Variants in ADIPOR2 observed in about 807,000 individuals in gnomAD.
ADIPOR2 encodes adiponectin receptor 2.
ADIPOR2 carries 18 observed loss-of-function variants against 40.9 expected under a neutral mutation model. The ratio of observed to expected loss-of-function variants is 0.44; its 90% confidence interval spans 0.30 to 0.65. ADIPOR2 has a LOEUF of 0.65. ADIPOR2 is among the 30% of genes least tolerant of loss of function. The pLI is 0.09. For synonymous variants in ADIPOR2, 165 were observed against 166.4 expected (o/e 0.99, Z 0.06); for missense variants, 283 against 479.2 (o/e 0.59, Z 3.82).
At position 1,705,834 on chromosome 12, in the gene ADIPOR2, A is replaced by G. The variant is rs150231608; in HGVS notation, c.-87+14643A>G. On this transcript the variant is annotated intron_variant, in intron 1 of 7. Coordinates refer to ENST00000357103, the MANE Select transcript of ADIPOR2 (RefSeq NM_024551.3). ...TTGTTTGTGGCTTTATTGAAGTCCT[A>G]TAAGATGGTGATAAAAGCATGGACT... is the stretch of plus-strand genomic sequence containing the variant. Among the ~76,000 whole-genome samples, 125 of 152,316 alleles carry G rather than the reference A, an allele frequency of 8.2e-4. 1 individual carries two copies. The highest frequency in any genetic ancestry group is 2.8e-3 in the African/African-American group (116 of 41,566).
At chr12:1,775,184 A>G (rs1351692993) in intron 3 of ADIPOR2, among the ~76,000 whole-genome samples, 1 of 152,232 alleles carries the variant, frequency 6.6e-6, no homozygotes, top group Non-Finnish European at 1.5e-5. Flanking sequence ...ATATATCCAC[A>G]TACCCAGTGG....
intron 1 of ADIPOR2, among the ~76,000 whole-genome samples, chr12:1,733,929 G>A (rs926300038): frequency 5.3e-5 from 8 of 152,102 alleles, no homozygotes; most frequent in African/African-American, 1.4e-4. Flanking sequence ...CCCTACAAAG[G>A]ACATGAACAC....
intron 1 of ADIPOR2, among the ~76,000 whole-genome samples, chr12:1,750,033 T>G (rs2094765568): frequency 6.6e-6 from 1 of 151,944 alleles, no homozygotes; most frequent in Non-Finnish European, 1.5e-5. Flanking sequence ...TGACATGGTC[T>G]TGTTGCCCAG....
chr12:1,703,916 G>A (rs944456611), intron 1 of ADIPOR2, among the ~76,000 whole-genome samples: 7 of 151,058 alleles, frequency 4.6e-5, no homozygotes, highest in Non-Finnish European at 1.0e-4. Context: ...ATCTCACTAT[G>A]TTGCCCAGGC....
chr12:1,781,812 G>C (rs1457093845), intron 6 of ADIPOR2, among the ~76,000 whole-genome samples: 1 of 152,122 alleles, frequency 6.6e-6, no homozygotes, highest in Non-Finnish European at 1.5e-5. Context: ...GATCATCCGG[G>C]GGTACCTGGA....
At chr12:1,769,364 C>T (rs2154444060) in intron 2 of ADIPOR2, among the ~76,000 whole-genome samples, 1 of 152,326 alleles carries the variant, frequency 6.6e-6, no homozygotes, top group East Asian at 1.9e-4. Context: ...CCACCACCCA[C>T]ACCACGTGGA....
intron 1 of ADIPOR2, among the ~76,000 whole-genome samples, chr12:1,737,708 G>A (rs2094733897): frequency 1.3e-5 from 2 of 151,916 alleles, no homozygotes; most frequent in African/African-American, 2.4e-5. Flanking sequence ...CCAGCCTCAC[G>A]CTTGGGTAAT....
chr12:1,700,634 C>T (rs184382419), intron 1 of ADIPOR2, among the ~76,000 whole-genome samples: 7 of 151,916 alleles, frequency 4.6e-5, no homozygotes, highest in East Asian at 1.9e-4. Context: ...TGCTTGGCAG[C>T]GAGGGTAAAA....
chr12:1,780,237 A>G (rs749912714), intron 4 of ADIPOR2: 22 of 456,508 alleles, frequency 4.8e-5, no homozygotes, highest in South Asian at 9.2e-5. Context: ...TATATTCTGT[A>G]TATTCAGTTT....
chr12:1,762,813 T>G (rs746506742), intron 2 of ADIPOR2, among the ~76,000 whole-genome samples: 67 of 152,236 alleles, frequency 4.4e-4, no homozygotes, highest in Non-Finnish European at 9.1e-4. Flanking sequence ...TATTGTACAC[T>G]GGGACTCTTG....
At chr12:1,782,279 A>G (rs1228037814) in intron 6 of ADIPOR2, among the ~76,000 whole-genome samples, 15 of 152,236 alleles carry the variant, frequency 9.9e-5, no homozygotes. Flanking sequence ...TATGCATCCC[A>G]TAGCTGTGCT....
Position 1,785,926 on chromosome 12 carries a change from T to G in ADIPOR2, c.1033-18T>G. ...GTATGGGTTTCTCTACCCCCTTCTC[T>G]TCTTTTTTCCCCTCCAGTTTCACTC... is the stretch of plus-strand genomic sequence containing the variant. On this transcript the variant is annotated intron_variant, in intron 7 of 7. Transcript: ENST00000357103. The G allele has an allele frequency of 6.2e-7, 1 of 1,613,594 alleles. No homozygotes were observed. Among genetic ancestry groups the G allele is most frequent in the Admixed American group, 1.7e-5 (1 of 59,890 alleles).
Position 1,754,497 on chromosome 12 carries a change from T to C in ADIPOR2, c.154T>C (p.Ser52Pro). Reference protein sequence around the residue: ...LEPILEASVLSSHHKKSSEEH... With the variant: ...LEPILEASVLPSHHKKSSEEH... ...GCCCATTTTAGAGGCATCTGTTCTATCTTCCCATCATAAAAAAGTAAGTCA... is the reference window on the plus strand; with the variant it reads ...GCCCATTTTAGAGGCATCTGTTCTACCTTCCCATCATAAAAAAGTAAGTCA... Residue 52 changes from serine (S) to proline (P), a missense_variant, in exon 2 of 8, where the codon TCT becomes CCT. Transcript: ENST00000357103. 6.3e-7 allele frequency: 1 copy of C among 1,599,680 alleles called. No homozygotes were observed. Among genetic ancestry groups the C allele is most frequent in the Non-Finnish European group, 8.5e-7 (1 of 1,175,320 alleles).
intron 2 of ADIPOR2, among the ~76,000 whole-genome samples, chr12:1,756,098 G>A (rs1477316364): frequency 1.3e-5 from 2 of 151,744 alleles, no homozygotes; most frequent in African/African-American, 4.8e-5. Flanking sequence ...ACCACCACCT[G>A]CGCCTGCTTG....
chr12:1,721,080 G>A (rs562048165), intron 1 of ADIPOR2, among the ~76,000 whole-genome samples: 9 of 151,958 alleles, frequency 5.9e-5, no homozygotes, highest in Admixed American at 2.6e-4. Flanking sequence ...TATATTGATC[G>A]GTGTCTCAAG....
intron 1 of ADIPOR2, among the ~76,000 whole-genome samples, chr12:1,691,399 G>C (rs2154440975): frequency 6.6e-6 from 1 of 152,272 alleles, no homozygotes; most frequent in South Asian, 2.1e-4. Flanking sequence ...AGGGTCGGCC[G>C]TGTGGGGACC....
intron 1 of ADIPOR2, among the ~76,000 whole-genome samples, chr12:1,748,036 C>T (rs1419402862): frequency 6.6e-6 from 1 of 152,002 alleles, no homozygotes; most frequent in African/African-American, 2.4e-5. Flanking sequence ...TTCTCCTCTC[C>T]TTTTAGAGTA....
chr12:1,701,326 C>G (rs532131555), intron 1 of ADIPOR2, among the ~76,000 whole-genome samples: 14 of 151,984 alleles, frequency 9.2e-5, no homozygotes, highest in South Asian at 8.3e-4. Context: ...TTGGGTTTCG[C>G]CTGTTGCCCA....
chr12:1,781,119 A>G (rs1423831880), intron 6 of ADIPOR2, 43 bp downstream of exon 6: 6 of 1,488,692 alleles, frequency 4.0e-6, no homozygotes, highest in Non-Finnish European at 5.4e-6. Context: ...TCATTTATTC[A>G]CTAGTTAAAT....
Sources: allele counts gnomAD v4.1 joint callset (sites outside exome capture counted in the v4.1 genomes callset), GRCh38; gene constraint gnomAD v4.1.1; transcripts MANE v1.5; gene names NCBI Gene and HGNC (gene_info 2026-07-23, HGNC 2026-07-21).